REV3L: variants seen among roughly 807,000 people sequenced by gnomAD.
REV3L encodes DNA polymerase zeta catalytic subunit.
REV3L carries 69 observed loss-of-function variants against 299.4 expected under a neutral mutation model. The observed-to-expected ratio is 0.23, with a 90% CI of 0.19 to 0.28. The LOEUF is 0.28. Among genes scored for constraint, REV3L ranks in the 10% least tolerant of loss-of-function variants. REV3L has a pLI of 1.00. For missense variants in REV3L, 3,128 were observed against 3,693.8 expected (o/e 0.85, Z 3.97); for synonymous variants, 1,238 against 1,271.4 (o/e 0.97, Z 0.56).
chr6:111,451,846 G>GAAA (rs36014006), intron 1 of REV3L, among the ~76,000 whole-genome samples: 1 of 132,086 alleles, frequency 7.6e-6, no homozygotes. Flanking sequence ...ATCACGAAAG[G>GAAA]AAAAAAAAAA....
chr6:111,330,465 G>A (rs912937664), intron 24 of REV3L, among the ~76,000 whole-genome samples: 52 of 152,100 alleles, frequency 3.4e-4, no homozygotes, highest in Admixed American at 3.4e-3. Context: ...TCACAGACAC[G>A]TGCAAGGTAA....
chr6:111,326,753 T>G (rs1450734876), intron 25 of REV3L, among the ~76,000 whole-genome samples: 3 of 152,026 alleles, frequency 2.0e-5, no homozygotes, highest in African/African-American at 4.8e-5. Flanking sequence ...TGCCATATTA[T>G]GTGTACAATG....
At chr6:111,417,080 G>A (rs543753390) in intron 1 of REV3L, among the ~76,000 whole-genome samples, 1 of 151,900 alleles carries the variant, frequency 6.6e-6, no homozygotes, top group Non-Finnish European at 1.5e-5. Context: ...TGGATTTCAG[G>A]GTATCTAAAT....
chr6:111,349,910 G>GAGTT (rs1461255997), intron 19 of REV3L, among the ~76,000 whole-genome samples: 1 of 152,188 alleles, frequency 6.6e-6, no homozygotes, highest in Non-Finnish European at 1.5e-5. Flanking sequence ...ACTAGATGAA[G>GAGTT]AGTTCCTCAT....
chr6:111,331,147 A>C (rs760260303), intron 24 of REV3L: 1 of 409,516 alleles, frequency 2.4e-6, no homozygotes, highest in South Asian at 1.0e-4. Context: ...TTTAATTTGT[A>C]AAGTTTTCCT....
rs781480371 is a variant in REV3L, at chr6:111,307,472, G to A, written c.9141C>T (p.Asp3047=). 2.5e-6 allele frequency: 4 copies of A among 1,614,180 alleles called. No individual in the cohort carries two copies. The highest frequency in any genetic ancestry group is 3.4e-6 in the Non-Finnish European group (4 of 1,180,028). The change falls in exon 31 of 32, where the codon GAC becomes GAT. Residue 3047 remains aspartate, a synonymous_variant. Transcript: ENST00000368802. The part of the protein sequence containing the change: ...FTTLHCPVCD[D]LTQHGICSKC... The stretch of plus-strand genomic sequence containing the variant: ...TACTACAGATGCCATGCTGAGTTAG[G>A]TCATCACACACAGGACAGTGTAAGG...
chr6:111,358,751 G>C (rs1778351368), intron 17 of REV3L, 71 bp downstream of exon 17: 1 of 1,209,602 alleles, frequency 8.3e-7, no homozygotes, highest in Non-Finnish European at 1.2e-6. Context: ...TAGATCTTCA[G>C]CACAGGAATT....
chr6:111,396,447 G>A (rs1288044255), intron 4 of REV3L, among the ~76,000 whole-genome samples: 4 of 151,838 alleles, frequency 2.6e-5, no homozygotes, highest in Non-Finnish European at 5.9e-5. Context: ...CTGACCTGTA[G>A]TTTTCTTTTT....
chr6:111,465,630 G>C (rs1003705595), intron 1 of REV3L, among the ~76,000 whole-genome samples: 1 of 150,768 alleles, frequency 6.6e-6, no homozygotes, highest in African/African-American at 2.4e-5. Context: ...TTACTCGGGA[G>C]GCTAAGGCAG....
At chr6:111,381,739 ATAT>A (rs1189120213) in intron 9 of REV3L, among the ~76,000 whole-genome samples, 2 of 152,176 alleles carry the variant, frequency 1.3e-5, no homozygotes, top group African/African-American at 4.8e-5. Flanking sequence ...ATATTCAAAT[ATAT>A]AAAGTGAAAA....
intron 1 of REV3L, among the ~76,000 whole-genome samples, chr6:111,465,727 C>T (rs1256978014): frequency 3.5e-4 from 14 of 39,794 alleles, no homozygotes; most frequent in South Asian, 1.8e-3. Context: ...AGCGAGATTC[C>T]GACTCAAAAA....
intron 1 of REV3L, among the ~76,000 whole-genome samples, chr6:111,468,739 T>C (rs975866145): frequency 6.8e-5 from 4 of 58,902 alleles, no homozygotes; most frequent in African/African-American, 2.9e-4. Flanking sequence ...TGTTTAAAAA[T>C]GTAGCATGTA....
At chr6:111,356,467 A>AT (rs1307530045) in intron 18 of REV3L, among the ~76,000 whole-genome samples, 1 of 152,100 alleles carries the variant, frequency 6.6e-6, no homozygotes, top group Non-Finnish European at 1.5e-5. Flanking sequence ...GTCAAAAGAG[A>AT]TTTTTTAAGG....
chr6:111,447,104 A>C (rs1392587871), intron 1 of REV3L, among the ~76,000 whole-genome samples: 1 of 152,168 alleles, frequency 6.6e-6, no homozygotes, highest in Non-Finnish European at 1.5e-5. Flanking sequence ...ACCATCCCAA[A>C]ATATATCAGT....
chr6:111,309,337 C>T (rs969069206), intron 30 of REV3L: 2 of 152,176 alleles, frequency 1.3e-5, no homozygotes, highest in African/African-American at 4.8e-5. Context: ...GATGGTTTTC[C>T]CCTGGAGTTG....
chr6:111,431,695 G>A (rs535156679), intron 1 of REV3L: 10 of 958,578 alleles, frequency 1.0e-5, no homozygotes, highest in African/African-American at 1.6e-5. Flanking sequence ...TCCTTCCCCC[G>A]TCATGGAAAA....
intron 21 of REV3L, among the ~76,000 whole-genome samples, chr6:111,343,511 T>C (rs111747417): frequency 5.3e-5 from 8 of 152,294 alleles, no homozygotes; most frequent in African/African-American, 1.9e-4. Flanking sequence ...TCAAAGTCAT[T>C]GAACAATAAT....
At chr6:111,472,266 T>C (rs535793394) in intron 1 of REV3L, 13 of 370,154 alleles carry the variant, frequency 3.5e-5, no homozygotes, top group Middle Eastern at 4.3e-4. Context: ...CATTTCACCA[T>C]CTCAAACAAA....
chr6:111,323,960 G>C (rs1774471220), intron 25 of REV3L, among the ~76,000 whole-genome samples: 1 of 152,096 alleles, frequency 6.6e-6, no homozygotes, highest in Non-Finnish European at 1.5e-5. Flanking sequence ...AATAAAACTA[G>C]TAGTAGAAAC....
Sources: allele counts gnomAD v4.1 joint callset (sites outside exome capture counted in the v4.1 genomes callset), GRCh38; gene constraint gnomAD v4.1.1; transcripts MANE v1.5; gene names NCBI Gene and HGNC (gene_info 2026-07-23, HGNC 2026-07-21).